The following ARVCF variants were observed in gnomAD, a reference collection of about 807,000 sequenced individuals.
ARVCF encodes splicing regulator ARVCF.
Under a neutral mutation model 90.9 loss-of-function variants are expected in ARVCF, and 66 were observed. The ratio of observed to expected loss-of-function variants is 0.73; its 90% CI spans 0.60 to 0.89. The LOEUF is 0.89. ARVCF is among the 40% of genes least tolerant of loss of function. The pLI is 0.00. For synonymous variants in ARVCF, 653 were observed against 603.4 expected, an observed-to-expected ratio of 1.08 and a Z score of -1.21; for missense variants, 1,469 against 1,382.3, an observed-to-expected ratio of 1.06 and a Z score of -1.00.
In ARVCF at chr22:19,973,747, G is replaced by C. The variant is rs76218625; in HGVS notation, c.2135C>G (p.Pro712Arg). Residue 712 changes from proline (P) to arginine (R), a missense_variant, in exon 13 of 20, where the codon CCG (proline) becomes CGG (arginine). Coordinates refer to ENST00000263207, the MANE Select transcript of ARVCF (RefSeq NM_001670.3). ...RATVRKERGL[P>R]VLVELLQSET... ...AGACTGCAGCAGTTCCACAAGCACCGGCAGCCCGCGCTCTTTGCGCACTGT... is the reference window on the plus strand; with the variant it reads ...AGACTGCAGCAGTTCCACAAGCACCCGCAGCCCGCGCTCTTTGCGCACTGT... The C allele has an allele frequency of 1.2e-6, 2 of 1,608,520 alleles. No homozygotes were observed. Among genetic ancestry groups the C allele is most frequent in the East Asian group, 4.5e-5 (2 of 44,882 alleles).
intron 12 of ARVCF, 130 bp from the exon 13 acceptor site, chr22:19,973,923 C>T (rs1203083276): frequency 5.4e-6 from 8 of 1,477,212 alleles, no homozygotes; most frequent in Non-Finnish European, 7.2e-6. Flanking sequence ...AAAAGCTCAA[C>T]GGCACCTCCA....
intron 2 of ARVCF, among the ~76,000 whole-genome samples, chr22:19,998,435 C>T (rs936986482): frequency 7.2e-5 from 11 of 152,230 alleles, no homozygotes; most frequent in Middle Eastern, 3.4e-3. Context: ...GCCGGCCCAG[C>T]CCCCCTCCCA....
chr22:19,998,182 C>T (rs1461803087), intron 2 of ARVCF, among the ~76,000 whole-genome samples: 1 of 152,202 alleles, frequency 6.6e-6, no homozygotes, highest in Non-Finnish European at 1.5e-5. Flanking sequence ...GCAGGTGCAG[C>T]AGTCACCACG....
At chr22:20,008,253 A>C (rs986917655) in intron 2 of ARVCF, among the ~76,000 whole-genome samples, 20 of 152,198 alleles carry the variant, frequency 1.3e-4, no homozygotes, top group Non-Finnish European at 8.8e-5. Flanking sequence ...CCCTGCAGGC[A>C]CACGGCGGCT....
In ARVCF at chr22:19,978,089, A is replaced by G; in HGVS notation, c.1581-14T>C. On this transcript the variant is annotated splice_polypyrimidine_tract_variant and intron_variant, in intron 7 of 19. Transcript: ENST00000263207. ...GAGCTCACATTCCTGTGTGGCCAAG[A>G]GCAGGCCAGGTGACCCCTGGCTACC... 1 of 1,591,830 alleles carries G rather than the reference A, an allele frequency of 6.3e-7. No homozygotes were observed. Among genetic ancestry groups the G allele is most frequent in the Non-Finnish European group, 8.6e-7 (1 of 1,168,710 alleles).
Position 19,971,282 on chromosome 22 carries a change from C to A in ARVCF, c.2835G>T (p.Arg945Ser), listed in dbSNP as rs368802525. 6.4e-7 allele frequency: 1 copy of A among 1,557,320 alleles called. No homozygotes were observed. The change falls in exon 19 of 20, where the codon AGG becomes AGT. Residue 945 changes from arginine to serine, a missense_variant. Physicochemically the swap from Arg to Ser is moderately radical, Grantham distance 110. Coordinates refer to ENST00000263207, the MANE Select transcript of ARVCF (RefSeq NM_001670.3). The stretch of plus-strand genomic sequence containing the variant: ...TAGCGTCCCCTACGGCGTCCACCAG[C>A]CTGACCGCGGGCCTGCTGGGCCCGG... ...PPPGPSRPAV[R>S]LVDAVGDAKP...
At chr22:19,965,456 C>T (rs375630292), downstream of ARVCF, 1 of 152,374 alleles carries the variant, frequency 6.6e-6, no homozygotes, top group East Asian at 1.9e-4. Context: ...ATTACCCTGC[C>T]TTAGCCTCCT....
chr22:20,004,718 A>C (rs1267146767), intron 2 of ARVCF, among the ~76,000 whole-genome samples: 2 of 152,206 alleles, frequency 1.3e-5, no homozygotes, highest in Non-Finnish European at 2.9e-5. Flanking sequence ...ATGGAATAGA[A>C]TACAGAGCCC....
At chr22:19,990,030 G>T (rs1041822351) in intron 3 of ARVCF, among the ~76,000 whole-genome samples, 1 of 152,214 alleles carries the variant, frequency 6.6e-6, no homozygotes, top group Non-Finnish European at 1.5e-5. Flanking sequence ...TGTCCCAGTG[G>T]TCTAACTGCT....
chr22:19,991,045 G>A (rs1387071390), intron 2 of ARVCF, among the ~76,000 whole-genome samples: 1 of 152,270 alleles, frequency 6.6e-6, no homozygotes, highest in Non-Finnish European at 1.5e-5. Context: ...TGGCTCCTCT[G>A]CTTCCTGCTA....
chr22:19,977,893 C>T, intron 8 of ARVCF, 65 bp downstream of exon 8: 2 of 1,505,224 alleles, frequency 1.3e-6, no homozygotes, highest in Non-Finnish European at 1.8e-6. Context: ...ACAGTTCCAG[C>T]CTCCTGGGAC....
chr22:19,968,680 G>A (rs566414524), downstream of ARVCF: 10 of 1,613,922 alleles, frequency 6.2e-6, no homozygotes, highest in South Asian at 9.9e-5. Flanking sequence ...CAGGGAGGTG[G>A]TGGACGGCCT....
At chr22:19,986,068 C>T (rs759585804) in intron 3 of ARVCF, among the ~76,000 whole-genome samples, 3 of 152,220 alleles carry the variant, frequency 2.0e-5, no homozygotes, top group South Asian at 4.1e-4. Context: ...AGTGCACCTG[C>T]CAGGGCGTGG....
intron 2 of ARVCF, among the ~76,000 whole-genome samples, chr22:19,996,881 G>A (rs1944273439): frequency 6.6e-6 from 1 of 152,248 alleles, no homozygotes; most frequent in Non-Finnish European, 1.5e-5. Context: ...CAGGCTGGAT[G>A]AGACGCCATC....
intron 2 of ARVCF, among the ~76,000 whole-genome samples, chr22:19,997,204 G>T (rs1417748549): frequency 6.6e-6 from 1 of 152,334 alleles, no homozygotes; most frequent in South Asian, 2.1e-4. Context: ...GAGCTGGGAA[G>T]CCTAAGGTTA....
downstream of ARVCF, chr22:19,965,537 T>G (rs1196693164): frequency 6.6e-6 from 1 of 152,156 alleles, no homozygotes; most frequent in Non-Finnish European, 1.5e-5. Flanking sequence ...AGATGGGGTT[T>G]CACCACATTG....
chr22:20,016,228 C>T (rs1432492361), intron 1 of ARVCF, among the ~76,000 whole-genome samples: 2 of 152,332 alleles, frequency 1.3e-5, no homozygotes, highest in African/African-American at 4.8e-5. Flanking sequence ...GCCCTGGCAG[C>T]TAGGCGCCAA....
chr22:19,987,248 C>T, intron 3 of ARVCF: 1 of 130,516 alleles, frequency 7.7e-6, no homozygotes, highest in Non-Finnish European at 1.5e-5. Flanking sequence ...GCCAATCGGG[C>T]GGGGCCGCGC....
rs567646524 is a variant in ARVCF, at chr22:20,009,342, G to A, written c.-19+1113C>T. 2.1e-3 allele frequency among the ~76,000 whole-genome samples: 320 copies of A among 152,302 alleles called. 3 individuals carry two copies. Among genetic ancestry groups the A allele is most frequent in the African/African-American group, 7.6e-3 (314 of 41,566 alleles). On this transcript the variant is annotated intron_variant, in intron 2 of 19. Transcript: ENST00000263207. Reference sequence around the variant, plus strand: ...CAGCTTTCCATGCCCAAGGACTTGGGAACAGGCAAGGAGTCAGTCATCCTG... The same window carrying A: ...CAGCTTTCCATGCCCAAGGACTTGGAAACAGGCAAGGAGTCAGTCATCCTG...
Sources: allele counts gnomAD v4.1 joint callset (sites outside exome capture counted in the v4.1 genomes callset), GRCh38; gene constraint gnomAD v4.1.1; transcripts MANE v1.5; gene names NCBI Gene and HGNC (gene_info 2026-07-23, HGNC 2026-07-21).